SOX5: variants seen among roughly 807,000 people sequenced by gnomAD.
SOX5 encodes SRY-box transcription factor 5.
Under a neutral mutation model 92.0 loss-of-function variants are expected in SOX5, and 9 were observed. The observed-to-expected ratio is 0.10, with a 90% CI of 0.06 to 0.17. The LOEUF (loss-of-function observed/expected upper bound fraction) is 0.17, where lower values mean the gene tolerates loss of function less well. Among genes scored for constraint, SOX5 ranks in the 10% least tolerant of loss-of-function variants. The pLI, the probability that SOX5 is intolerant of heterozygous loss-of-function variation, is 1.00. For missense variants in SOX5, 642 were observed against 944.5 expected, an observed-to-expected ratio of 0.68 and a Z score of 4.20; for synonymous variants, 344 against 336.3, an observed-to-expected ratio of 1.02 and a Z score of -0.25.
intron 4 of SOX5, among the ~76,000 whole-genome samples, chr12:24,128,293 C>A (rs1949308368): frequency 6.6e-6 from 1 of 152,274 alleles, no homozygotes; most frequent in Admixed American, 6.5e-5. Context: ...GAAAAAAATT[C>A]TGTGCCAGTC....
chr12:24,470,726 G>T (rs1944723989), intron 1 of SOX5, among the ~76,000 whole-genome samples: 1 of 152,156 alleles, frequency 6.6e-6, no homozygotes, highest in Non-Finnish European at 1.5e-5. Context: ...AATATTCTGT[G>T]TTCAAATCTC....
chr12:24,275,919 G>C (rs1944381347), intron 3 of SOX5, among the ~76,000 whole-genome samples: 1 of 151,942 alleles, frequency 6.6e-6, no homozygotes, highest in Non-Finnish European at 1.5e-5. Context: ...GTGAGGCATA[G>C]CTTTGCATTC....
chr12:24,507,817 C>T (rs763048253), intron 1 of SOX5, among the ~76,000 whole-genome samples: 1 of 151,806 alleles, frequency 6.6e-6, no homozygotes, highest in African/African-American at 2.4e-5. Flanking sequence ...ATAAATGAAA[C>T]AGTATGTCAA....
rs764125432 is a variant in SOX5 at position 23,539,832 on chromosome 12, A to AAGAT, written c.1772-3167_1772-3164dup. Among the ~76,000 whole-genome samples the AAGAT allele has an allele frequency of 1.1e-3, 160 of 152,318 alleles. 1 individual carries two copies. In the Middle Eastern group the frequency reaches 0.048, roughly 45 times the overall value. ...CCAAGTCTTTTCAAAACTAAGAATA[A>AAGAT]AGATAGGCTAAGTACTAACCGGGTC... On this transcript the variant is annotated intron_variant, in intron 13 of 14. Coordinates refer to ENST00000451604, the MANE Select transcript of SOX5 (RefSeq NM_006940.6).
chr12:23,604,649 G>A, intron 8 of SOX5, 116 bp from the exon 9 acceptor site: 2 of 935,860 alleles, frequency 2.1e-6, no homozygotes, highest in South Asian at 1.7e-5. Context: ...ATTTTGTTTA[G>A]TGCACTGGAA....
chr12:24,537,655 A>G (rs906406482), intron 1 of SOX5, among the ~76,000 whole-genome samples: 9 of 152,240 alleles, frequency 5.9e-5, no homozygotes, highest in African/African-American at 2.2e-4. Flanking sequence ...TCTGAATGCC[A>G]GCTACTGAGA....
chr12:23,588,429 C>A (rs965691989), intron 9 of SOX5, among the ~76,000 whole-genome samples: 1 of 151,950 alleles, frequency 6.6e-6, no homozygotes, highest in African/African-American at 2.4e-5. Context: ...AGAAATAGTC[C>A]ATTAAAATAA....
At chr12:24,076,586 G>C (rs1409383335) in intron 4 of SOX5, among the ~76,000 whole-genome samples, 1 of 151,874 alleles carries the variant, frequency 6.6e-6, no homozygotes, top group Non-Finnish European at 1.5e-5. Context: ...CAAACATGCA[G>C]AATCTTTTTC....
chr12:24,487,730 G>C (rs1946658650), intron 1 of SOX5, among the ~76,000 whole-genome samples: 1 of 152,144 alleles, frequency 6.6e-6, no homozygotes, highest in Non-Finnish European at 1.5e-5. Context: ...ATATTGAACT[G>C]TGGAGCTCAT....
At chr12:23,682,696 G>A (rs2086817419) in intron 6 of SOX5, among the ~76,000 whole-genome samples, 2 of 151,786 alleles carry the variant, frequency 1.3e-5, no homozygotes, top group East Asian at 1.9e-4. Flanking sequence ...TAAGCTCTTT[G>A]TATAATATCT....
chr12:24,055,312 T>C (rs1005480906), intron 4 of SOX5, among the ~76,000 whole-genome samples: 2 of 152,162 alleles, frequency 1.3e-5, no homozygotes, highest in African/African-American at 4.8e-5. Context: ...CAAAGAGGGA[T>C]ACAATATGGC....
At chr12:23,946,374 G>A (rs1175406936) in intron 1 of SOX5, among the ~76,000 whole-genome samples, 1 of 151,804 alleles carries the variant, frequency 6.6e-6, no homozygotes, top group Admixed American at 6.6e-5. Context: ...AAACTGTAAC[G>A]GGAAGCTTAG....
chr12:23,987,522 G>T (rs141249489), intron 4 of SOX5, among the ~76,000 whole-genome samples: 1 of 152,220 alleles, frequency 6.6e-6, no homozygotes, highest in Non-Finnish European at 1.5e-5. Flanking sequence ...GCTGGGTGTG[G>T]TGGTTCACCC....
intron 8 of SOX5, among the ~76,000 whole-genome samples, chr12:23,619,517 CTA>C (rs1273563942): frequency 6.6e-6 from 1 of 152,122 alleles, no homozygotes; most frequent in Non-Finnish European, 1.5e-5. Flanking sequence ...AACTCTTAGC[CTA>C]TGTCTTAGGA....
intron 7 of SOX5, among the ~76,000 whole-genome samples, chr12:23,658,767 C>A (rs538666187): frequency 6.6e-6 from 1 of 152,296 alleles, no homozygotes; most frequent in African/African-American, 2.4e-5. Context: ...GTGGCAGACG[C>A]CTGTAATCCC....
chr12:23,922,366 A>C (rs575057645), intron 1 of SOX5, among the ~76,000 whole-genome samples: 1 of 152,216 alleles, frequency 6.6e-6, no homozygotes, highest in African/African-American at 2.4e-5. Context: ...AAAAAACATC[A>C]TATTTGAAAT....
chr12:24,463,190 T>C (rs925624708), intron 1 of SOX5, among the ~76,000 whole-genome samples: 7 of 151,574 alleles, frequency 4.6e-5, no homozygotes, highest in Non-Finnish European at 8.8e-5. Flanking sequence ...CTGGGTGACA[T>C]AGTGAGACCT....
chr12:24,425,350 A>G (rs2136982641), intron 1 of SOX5, among the ~76,000 whole-genome samples: 1 of 152,338 alleles, frequency 6.6e-6, no homozygotes, highest in Middle Eastern at 3.4e-3. Context: ...TCGAATCACC[A>G]GCACAATTCA....
chr12:24,246,927 G>C (rs1476194329), intron 3 of SOX5, among the ~76,000 whole-genome samples: 1 of 151,992 alleles, frequency 6.6e-6, no homozygotes, highest in Non-Finnish European at 1.5e-5. Flanking sequence ...AAAAACCTAA[G>C]AGAACAAAAA....
Sources: gnomAD v4.1 joint callset for allele counts (sites outside exome capture counted in the v4.1 genomes callset) on GRCh38, gnomAD v4.1.1 for gene constraint, MANE v1.5 for transcripts, NCBI Gene and HGNC (gene_info 2026-07-23, HGNC 2026-07-21) for gene names.